Variants in KCNQ1 observed in about 807,000 individuals in gnomAD.
KCNQ1 encodes potassium voltage-gated channel subfamily Q member 1, also known as potassium voltage-gated channel subfamily KQT member 1.
In KCNQ1, 49 loss-of-function variants were observed where a neutral mutation model predicts 72.4. The observed-to-expected ratio is 0.68, with a 90% CI of 0.54 to 0.86. KCNQ1 has a LOEUF of 0.86. Ranked by LOEUF, KCNQ1 falls within the 40% of genes least tolerant of loss-of-function variation. The pLI, the probability that KCNQ1 is intolerant of heterozygous loss-of-function variation, is 0.00. For missense variants in KCNQ1, 790 were observed against 945.1 expected (o/e 0.84, Z 2.15); for synonymous variants, 450 against 412.6 (o/e 1.09, Z -1.10).
rs751194925 is a variant in KCNQ1 at position 2,663,158 on chromosome 11, G to GC, written c.1514+1084dup. 3.0e-5 allele frequency: 12 copies of GC among 398,644 alleles called. No individual in the cohort carries two copies. Among genetic ancestry groups the GC allele is most frequent in the South Asian group, 1.3e-4 (1 of 7,856 alleles). 24.7% of individuals were successfully genotyped at this position (398,644 alleles called of 1,614,324 possible). On this transcript the variant is annotated intron_variant, in intron 11 of 15. Transcript: ENST00000155840. This position sits in a 1 kb window ranked among gnomAD's most constrained non-coding sequence, Gnocchi z 5.2. ...CAGGACCTGCCCACTGTCTTTCCAG[G>GC]CCCCCCCAGTTCACAGAGAGGTTGG...
At chr11:2,708,083 C>T (rs1850941304) in intron 11 of KCNQ1, among the ~76,000 whole-genome samples, 1 of 152,212 alleles carries the variant, frequency 6.6e-6, no homozygotes, top group Non-Finnish European at 1.5e-5. Flanking sequence ...AAACAGATGG[C>T]CAAGATCGGG....
intron 15 of KCNQ1, among the ~76,000 whole-genome samples, chr11:2,789,642 C>T (rs1050448782): frequency 5.9e-5 from 9 of 152,228 alleles, no homozygotes; most frequent in African/African-American, 1.7e-4. Context: ...AGCTGCGCTC[C>T]GGGATGCTGG....
chr11:2,457,187 A>G lies in KCNQ1; in HGVS notation c.386+11703A>G, dbSNP rs189288422. 2.4e-4 allele frequency among the ~76,000 whole-genome samples: 36 copies of G among 152,266 alleles called. 1 individual carries two copies. Among genetic ancestry groups the G allele is most frequent in the Middle Eastern group, 6.8e-3 (2 of 294 alleles). ...GCAGTAGAGAAAGGGGAACACTTAC[A>G]CCCTGTTGACGGGAGTGTAAATGAG... is the stretch of plus-strand genomic sequence containing the variant. On this transcript the variant is annotated intron_variant, in intron 1 of 15. Transcript: ENST00000155840. This position sits in a 1 kb window ranked among gnomAD's most constrained non-coding sequence, Gnocchi z 5.0.
rs1031283070 is a variant in KCNQ1 at position 2,734,334 on chromosome 11, C to T, written c.1515-34510C>T. On this transcript the variant is annotated intron_variant, in intron 11 of 15. Coordinates refer to ENST00000155840, the MANE Select transcript of KCNQ1 (RefSeq NM_000218.3). This position sits in a 1 kb window ranked among gnomAD's most constrained non-coding sequence, Gnocchi z 7.0. ...GAAGGCTGGACTTTCCGTGAGGTGG[C>T]GGGGAGCACCAAGGGTAGAGGCAGG... 6.6e-6 allele frequency among the ~76,000 whole-genome samples: 1 copy of T among 152,206 alleles called. No individual in the cohort carries two copies. The highest frequency in any genetic ancestry group is 2.4e-5 in the African/African-American group (1 of 41,464).
Position 2,668,773 on chromosome 11 carries a change from G to A in KCNQ1, c.1514+6692G>A, listed in dbSNP as rs1590020208. 4 of 398,552 alleles carry A rather than the reference G, an allele frequency of 1.0e-5. No individual in the cohort carries two copies. The East Asian group carries it at 1.4e-4, about 14-fold the overall frequency. 24.7% of individuals were successfully genotyped at this position (398,552 alleles called of 1,614,324 possible). On this transcript the variant is annotated intron_variant, in intron 11 of 15. Transcript: ENST00000155840. This position sits in a 1 kb window ranked among gnomAD's most constrained non-coding sequence, Gnocchi z 4.3. ...GCTGCCTTCTTCCTCTCTTGATGGTGTCTTTTGATGAACAGAAGGTCTTAA... is the reference window on the plus strand; with the variant it reads ...GCTGCCTTCTTCCTCTCTTGATGGTATCTTTTGATGAACAGAAGGTCTTAA...
At chr11:2,580,531 C>T (rs115742073) in intron 6 of KCNQ1, among the ~76,000 whole-genome samples, 15 of 152,346 alleles carry the variant, frequency 9.8e-5, no homozygotes, top group African/African-American at 3.1e-4. Context: ...GGGATCCCCA[C>T]GCCTGTCCCG....
rs1411604732 is a variant in KCNQ1, at chr11:2,516,349, C to G, written c.387-11579C>G. 6.6e-6 allele frequency among the ~76,000 whole-genome samples: 1 copy of G among 152,036 alleles called. No individual in the cohort carries two copies. Among genetic ancestry groups the G allele is most frequent in the East Asian group, 1.9e-4 (1 of 5,162 alleles). On this transcript the variant is annotated intron_variant, in intron 1 of 15. Transcript: ENST00000155840. The surrounding 1 kb of genome is among the most constrained non-coding windows in gnomAD (Gnocchi z 7.0). ...CTTTAAATGGCTCAGTCCCAGCGTCCCCTCATGCCTGGGACCGCTGACCCA... is the reference window on the plus strand; with the variant it reads ...CTTTAAATGGCTCAGTCCCAGCGTCGCCTCATGCCTGGGACCGCTGACCCA...
rs952213422 is a variant in KCNQ1 at position 2,612,182 on chromosome 11, G to T, written c.1393+23328G>T. On this transcript the variant is annotated intron_variant, in intron 10 of 15. Transcript: ENST00000155840. The surrounding 1 kb of genome is among the most constrained non-coding windows in gnomAD (Gnocchi z 5.5). ...CTACACAGCAGGAGGTGAGCAGCAGGCAAGCAAGCATTACTGCCTGAGCTC... is the reference window on the plus strand; with the variant it reads ...CTACACAGCAGGAGGTGAGCAGCAGTCAAGCAAGCATTACTGCCTGAGCTC... 8 of 398,536 alleles carry T rather than the reference G, an allele frequency of 2.0e-5. No individual in the cohort carries two copies. The highest frequency in any genetic ancestry group is 8.8e-5 in the Admixed American group (2 of 22,720). The allele number at this position is 398,536 out of a possible 1,614,324, so 24.7% of individuals were successfully genotyped here. A position where few individuals can be genotyped will look rare whatever the true frequency, so the allele number is the denominator to read the frequency against.
At chr11:2,841,356 G>A (rs977627280) in intron 15 of KCNQ1, among the ~76,000 whole-genome samples, 5 of 152,184 alleles carry the variant, frequency 3.3e-5, no homozygotes, top group Non-Finnish European at 5.9e-5. Context: ...GGCTGGGAGG[G>A]AAGGCTCAGC....
intron 10 of KCNQ1, chr11:2,630,744 T>C (rs2133815866): frequency 2.5e-6 from 1 of 398,466 alleles, no homozygotes; most frequent in African/African-American, 2.1e-5. Context: ...TAACTCCCTC[T>C]GGCATATCTT....
Position 2,457,745 on chromosome 11 carries a change from A to G in KCNQ1, c.386+12261A>G, listed in dbSNP as rs1846217799. On this transcript the variant is annotated intron_variant, in intron 1 of 15. Coordinates refer to ENST00000155840, the MANE Select transcript of KCNQ1 (RefSeq NM_000218.3). The surrounding 1 kb of genome is among the most constrained non-coding windows in gnomAD (Gnocchi z 5.0). ...CAGCATCATGCAATATACCTTTGTG[A>G]CAAACCTGCACTTGTACCTCCTGAA... Among the ~76,000 whole-genome samples, 1 of 151,936 alleles carries G rather than the reference A, an allele frequency of 6.6e-6. No individual in the cohort carries two copies. The highest frequency in any genetic ancestry group is 1.5e-5 in the Non-Finnish European group (1 of 68,000).
chr11:2,739,034 G>T (rs1487831550), intron 11 of KCNQ1, among the ~76,000 whole-genome samples: 1 of 152,186 alleles, frequency 6.6e-6, no homozygotes, highest in African/African-American at 2.4e-5. Flanking sequence ...CTACCACCAT[G>T]CTGCTTTGAA....
Position 2,752,221 on chromosome 11 carries a change from A to G in KCNQ1, c.1515-16623A>G, listed in dbSNP as rs1029128293. 7.2e-5 allele frequency among the ~76,000 whole-genome samples: 11 copies of G among 151,990 alleles called. No individual in the cohort carries two copies. The highest frequency in any genetic ancestry group is 1.2e-4 in the Non-Finnish European group (8 of 68,014). On this transcript the variant is annotated intron_variant, in intron 11 of 15. Coordinates refer to ENST00000155840, the MANE Select transcript of KCNQ1 (RefSeq NM_000218.3). The surrounding 1 kb of genome is among the most constrained non-coding windows in gnomAD (Gnocchi z 5.2). The stretch of plus-strand genomic sequence containing the variant: ...TTACTGAGTTGAGGTGACTGGGTTG[A>G]TTTTAGCTTCACAGGTGATCTGAAC...
At chr11:2,582,911 C>T (rs1848523777) in intron 6 of KCNQ1, among the ~76,000 whole-genome samples, 1 of 152,174 alleles carries the variant, frequency 6.6e-6, no homozygotes. Flanking sequence ...ATGGCTCTCC[C>T]ACCAAGAAGA....
intron 11 of KCNQ1, among the ~76,000 whole-genome samples, chr11:2,744,969 C>T (rs538442263): frequency 2.6e-5 from 4 of 152,156 alleles, no homozygotes; most frequent in Admixed American, 6.5e-5. Flanking sequence ...GGTGTGTGAT[C>T]GGGGCTCCCT....
chr11:2,630,408 G>A (rs542457275), intron 10 of KCNQ1: 66 of 398,066 alleles, frequency 1.7e-4, no homozygotes, highest in Middle Eastern at 1.2e-3. Context: ...CTTAGTATGA[G>A]GGCAATGCTA....
chr11:2,548,912 A>C (rs1847938386), intron 2 of KCNQ1, among the ~76,000 whole-genome samples: 2 of 152,174 alleles, frequency 1.3e-5, no homozygotes, highest in Non-Finnish European at 2.9e-5. Flanking sequence ...TGGCGGGAAT[A>C]AAGGGGCCCT....
rs1223746669 is a variant in KCNQ1 at position 2,463,676 on chromosome 11, A to C, written c.386+18192A>C. On this transcript the variant is annotated intron_variant, in intron 1 of 15. Coordinates refer to ENST00000155840, the MANE Select transcript of KCNQ1 (RefSeq NM_000218.3). The surrounding 1 kb of genome is among the most constrained non-coding windows in gnomAD (Gnocchi z 7.0). ...GGGCACTGCGCTGAGCTCAACACACAGGGGCTCGGGGAGGTCTGTGGGTGC... is the reference window on the plus strand; with the variant it reads ...GGGCACTGCGCTGAGCTCAACACACCGGGGCTCGGGGAGGTCTGTGGGTGC... Among the ~76,000 whole-genome samples, 1 of 152,136 alleles carries C rather than the reference A, an allele frequency of 6.6e-6. No homozygotes were observed. The highest frequency in any genetic ancestry group is 1.9e-4 in the East Asian group (1 of 5,190).
intron 15 of KCNQ1, among the ~76,000 whole-genome samples, chr11:2,819,318 T>C (rs1847684881): frequency 6.6e-6 from 1 of 151,740 alleles, no homozygotes; most frequent in South Asian, 2.1e-4. Flanking sequence ...AAGTGAGGAG[T>C]GGGCAAGGCT....
Sources: allele counts gnomAD v4.1 joint callset (sites outside exome capture counted in the v4.1 genomes callset), GRCh38; gene constraint gnomAD v4.1.1; non-coding constraint Gnocchi (gnomAD v3.1); transcripts MANE v1.5; gene names NCBI Gene and HGNC (gene_info 2026-07-23, HGNC 2026-07-21).